TAFA5: variants seen among roughly 807,000 people sequenced by gnomAD.
The protein encoded by TAFA5 is TAFA chemokine like family member 5, also known as chemokine-like protein TAFA-5.
In TAFA5, 6 loss-of-function variants were observed where a neutral mutation model predicts 15.3. That is an observed-to-expected ratio of 0.39 (90% CI 0.21 to 0.77). The LOEUF is 0.77. TAFA5 is among the 30% of genes least tolerant of loss of function. TAFA5 has a pLI of 0.41. For synonymous variants in TAFA5, 103 were observed against 80.7 expected (o/e 1.28, Z -1.48); for missense variants, 161 against 193.1 (o/e 0.83, Z 0.98).
At chr22:48,585,472 A>G (rs1411433769) in intron 1 of TAFA5, among the ~76,000 whole-genome samples, 1 of 151,296 alleles carries the variant, frequency 6.6e-6, no homozygotes, top group Non-Finnish European at 1.5e-5. Context: ...AATACACCAC[A>G]CATACACCAC....
At chr22:48,729,320 T>TTTTATATTTATAAATATATAATAA (rs1569096850) in intron 3 of TAFA5, among the ~76,000 whole-genome samples, 1 of 83,958 alleles carries the variant, frequency 1.2e-5, no homozygotes, top group South Asian at 3.5e-4. Context: ...ATATATAATA[T>TTTTATATTTATAAATATATAATAA]TTTTATATTT....
chr22:48,534,752 G>A (rs1401508251), intron 1 of TAFA5, among the ~76,000 whole-genome samples: 2 of 152,190 alleles, frequency 1.3e-5, no homozygotes, highest in African/African-American at 4.8e-5. Flanking sequence ...CCGGCTCTCC[G>A]GCGGGCACCG....
intron 1 of TAFA5, among the ~76,000 whole-genome samples, chr22:48,632,310 G>A (rs1456489127): frequency 6.6e-6 from 1 of 152,162 alleles, no homozygotes; most frequent in Non-Finnish European, 1.5e-5. Context: ...ATCCCGCGGG[G>A]TGATTTTACA....
chr22:48,571,020 T>C (rs1293551402), intron 1 of TAFA5, among the ~76,000 whole-genome samples: 1 of 152,208 alleles, frequency 6.6e-6, no homozygotes, highest in Non-Finnish European at 1.5e-5. Context: ...CTTGATTCCT[T>C]TCTCTGGTGG....
At chr22:48,571,085 C>A (rs2147138158) in intron 1 of TAFA5, among the ~76,000 whole-genome samples, 1 of 152,234 alleles carries the variant, frequency 6.6e-6, no homozygotes, top group South Asian at 2.1e-4. Context: ...AACTGAACTT[C>A]TGAATCCCCT....
At chr22:48,631,294 C>T (rs560824207) in intron 1 of TAFA5, among the ~76,000 whole-genome samples, 2 of 152,312 alleles carry the variant, frequency 1.3e-5, no homozygotes, top group Admixed American at 6.5e-5. Context: ...CCCAGGTGAG[C>T]GGTCCCTGGT....
chr22:48,601,812 G>A lies in TAFA5; in HGVS notation c.113-44785G>A, dbSNP rs545901221. 1.6e-4 allele frequency among the ~76,000 whole-genome samples: 25 copies of A among 152,258 alleles called. 1 individual carries two copies. The South Asian group carries it at 3.9e-3, about 24-fold the overall frequency. On this transcript the variant is annotated intron_variant, in intron 1 of 3. Transcript: ENST00000402357. The stretch of plus-strand genomic sequence containing the variant: ...CGCCATCTGTGAGAGTGCGCCCTAC[G>A]CCTTTCCACGTTTCACTCCTTTGGC...
intron 3 of TAFA5, among the ~76,000 whole-genome samples, chr22:48,711,063 C>T (rs1260932241): frequency 6.6e-6 from 1 of 152,150 alleles, no homozygotes. Context: ...GCAGGGGACC[C>T]CCCAAGCCTC....
chr22:48,532,405 A>G (rs1000276282), intron 1 of TAFA5, among the ~76,000 whole-genome samples: 3 of 152,248 alleles, frequency 2.0e-5, no homozygotes, highest in African/African-American at 7.2e-5. Context: ...TGTTCTCAAG[A>G]GACCATTTCC....
chr22:48,614,023 G>A (rs1002867121), intron 1 of TAFA5, among the ~76,000 whole-genome samples: 5 of 152,342 alleles, frequency 3.3e-5, no homozygotes, highest in Non-Finnish European at 7.3e-5. Flanking sequence ...TGTGGGAGCC[G>A]TCAGACGCCC....
At position 48,552,208 on chromosome 22, in the gene TAFA5, G is replaced by C. The variant is rs1355814797; in HGVS notation, c.112+62504G>C. Among the ~76,000 whole-genome samples the C allele has an allele frequency of 1.3e-5, 2 of 152,172 alleles. No individual in the cohort carries two copies. The highest frequency in any genetic ancestry group is 3.9e-4 in the East Asian group (2 of 5,190). ...GCGGACCTCACATGGCTCTTCTGCT[G>C]TGGAGAAGGGTCCACACTTGCCTCC... On this transcript the variant is annotated intron_variant, in intron 1 of 3. Transcript: ENST00000402357. The surrounding 1 kb of genome is among the most constrained non-coding windows in gnomAD (Gnocchi z 4.1).
Position 48,489,781 on chromosome 22 carries a change from C to G in TAFA5, c.112+77C>G. On this transcript the variant is annotated intron_variant, in intron 1 of 3. Coordinates refer to ENST00000402357, the MANE Select transcript of TAFA5 (RefSeq NM_001082967.3). The surrounding 1 kb of genome is among the most constrained non-coding windows in gnomAD (Gnocchi z 5.5). ...CCTCCTCCGGCCCCGGCAGGCGCCC[C>G]GCGGGCCTCCCGGAGTCGGCGCGGA... 3.3e-6 allele frequency: 3 copies of G among 914,704 alleles called. No individual in the cohort carries two copies. Among genetic ancestry groups the G allele is most frequent in the South Asian group, 3.1e-5 (1 of 32,592 alleles). The allele number at this position is 914,704 out of a possible 1,614,324, so 56.7% of individuals were successfully genotyped here.
Position 48,523,259 on chromosome 22 carries a change from C to T in TAFA5, c.112+33555C>T, listed in dbSNP as rs555416271. On this transcript the variant is annotated intron_variant, in intron 1 of 3. Transcript: ENST00000402357. ...TGGCTCCTGTGCTCCCTGGCTTTGC[C>T]GTGGGACAGGGCTGGTGGGCCGGCG... Among the ~76,000 whole-genome samples, 1,110 of 152,330 alleles carry T rather than the reference C, an allele frequency of 7.3e-3. 12 individuals are homozygous for T. The highest frequency in any genetic ancestry group is 0.025 in the African/African-American group (1,059 of 41,580).
intron 2 of TAFA5, among the ~76,000 whole-genome samples, chr22:48,698,065 AATG>A (rs1928778425): frequency 1.9e-5 from 1 of 53,024 alleles, no homozygotes; most frequent in Non-Finnish European, 3.4e-5. Context: ...ATGATGTCAT[AATG>A]ATGGTGATGG....
chr22:48,525,490 C>T (rs112194657), intron 1 of TAFA5, among the ~76,000 whole-genome samples: 52 of 152,324 alleles, frequency 3.4e-4, no homozygotes, highest in African/African-American at 9.9e-4. Flanking sequence ...TGCTCATTCT[C>T]GCAAATGCCC....
chr22:48,699,596 A>T (rs1928840176), intron 2 of TAFA5, among the ~76,000 whole-genome samples: 1 of 151,960 alleles, frequency 6.6e-6, no homozygotes, highest in Non-Finnish European at 1.5e-5. Context: ...CTTAATAATC[A>T]CGTGGCTTTG....
At chr22:48,599,416 T>C (rs572558349) in intron 1 of TAFA5, among the ~76,000 whole-genome samples, 21 of 152,332 alleles carry the variant, frequency 1.4e-4, no homozygotes, top group African/African-American at 4.8e-4. Context: ...GTTTGGGCCA[T>C]TGGGTGCCAT....
chr22:48,726,556 TGGTGGTGGGCTGG>T (rs1166998295), intron 3 of TAFA5, among the ~76,000 whole-genome samples: 7,166 of 150,874 alleles, frequency 0.047, no homozygotes, highest in African/African-American at 0.065. Flanking sequence ...ACTGGTCCAG[TGGTGGTGGGCTGG>T]ACAGGTGAAC....
chr22:48,546,153 C>A (rs1922659706), intron 1 of TAFA5, among the ~76,000 whole-genome samples: 1 of 152,224 alleles, frequency 6.6e-6, no homozygotes, highest in African/African-American at 2.4e-5. Context: ...GAGGGCTCCC[C>A]TTCAGCCCGG....
Sources: allele counts gnomAD v4.1 joint callset (sites outside exome capture counted in the v4.1 genomes callset), GRCh38; gene constraint gnomAD v4.1.1; non-coding constraint Gnocchi (gnomAD v3.1); transcripts MANE v1.5; gene names NCBI Gene and HGNC (gene_info 2026-07-23, HGNC 2026-07-21).